FZR1: variants seen among roughly 807,000 people sequenced by gnomAD.
The protein encoded by FZR1 is fizzy-related protein homolog.
FZR1 carries 11 observed loss-of-function variants against 63.6 expected under a neutral mutation model. That is an observed-to-expected ratio of 0.17 (90% CI 0.11 to 0.29). The LOEUF (loss-of-function observed/expected upper bound fraction) is 0.29, where lower values mean the gene tolerates loss of function less well. FZR1 is among the 10% of genes least tolerant of loss of function. The pLI is 1.00. For synonymous variants in FZR1, 328 were observed against 297.9 expected, an observed-to-expected ratio of 1.10 and a Z score of -1.04; for missense variants, 440 against 687.5, an observed-to-expected ratio of 0.64 and a Z score of 4.03.
At position 3,533,305 on chromosome 19, in the gene FZR1, C is replaced by T. The variant is rs773476848; in HGVS notation, c.1254C>T (p.His418=). ...CCTCCGCCCTCCAGGTGAGCACGCA[C>T]GGCTACTCACAGAACCAGATCCTTG... ...SKHANELVST[H]GYSQNQILVW... is the part of the protein sequence containing the mutation. Residue 418 remains histidine, a synonymous_variant, in exon 12 of 14, where the codon CAC becomes CAT. Transcript: ENST00000441788. The surrounding 1 kb of genome is among the most constrained non-coding windows in gnomAD (Gnocchi z 4.9). 1.4e-5 allele frequency: 23 copies of T among 1,608,248 alleles called. 1 individual carries two copies. The highest frequency in any genetic ancestry group is 4.5e-5 in the East Asian group (2 of 44,880).
intron 1 of FZR1, among the ~76,000 whole-genome samples, chr19:3,522,245 C>G (rs1042746793): frequency 6.6e-6 from 1 of 152,240 alleles, no homozygotes; most frequent in South Asian, 2.1e-4. Flanking sequence ...GTACAAACCC[C>G]CTTCCTGCCT....
rs896619039 is a variant in FZR1 at position 3,532,169 on chromosome 19, C to G, written c.1008+74C>G. 22 of 1,384,494 alleles carry G rather than the reference C, an allele frequency of 1.6e-5. No homozygotes were observed. The Admixed American group carries it at 5.3e-4, about 34-fold the overall frequency. The allele number at this position is 1,384,494 out of a possible 1,614,324, so 85.8% of individuals were successfully genotyped here. On this transcript the variant is annotated intron_variant, in intron 10 of 13. Coordinates refer to ENST00000441788, the MANE Select transcript of FZR1 (RefSeq NM_016263.4). ...CTCACACTGGCAGGAACGGAAGAGC[C>G]TGGGCTGGGGCGGGCGCGGGCGCGG...
intron 12 of FZR1, 57 bp from the exon 13 acceptor site, chr19:3,534,363 CA>C: frequency 1.0e-6 from 1 of 953,808 alleles, no homozygotes; most frequent in East Asian, 2.6e-5. Flanking sequence ...AGTCCCCCAG[CA>C]CTGTCCCGAG....
At chr19:3,512,911 C>G (rs1280970700) in intron 1 of FZR1, among the ~76,000 whole-genome samples, 1 of 152,188 alleles carries the variant, frequency 6.6e-6, no homozygotes, top group Non-Finnish European at 1.5e-5. Context: ...ACTCCCAGAT[C>G]CAGTGAGAGC....
chr19:3,513,374 C>T (rs941955634), intron 1 of FZR1, among the ~76,000 whole-genome samples: 1 of 152,236 alleles, frequency 6.6e-6, no homozygotes, highest in African/African-American at 2.4e-5. Flanking sequence ...GTGGGCAGGG[C>T]TGGGCCGAGT....
Position 3,516,954 on chromosome 19 carries a change from C to G in FZR1, c.-34-6002C>G, listed in dbSNP as rs1047247241. 1.3e-4 allele frequency among the ~76,000 whole-genome samples: 20 copies of G among 152,260 alleles called. No homozygotes were observed. The highest frequency in any genetic ancestry group is 1.5e-5 in the Non-Finnish European group (1 of 68,038). On this transcript the variant is annotated intron_variant, in intron 1 of 13. Coordinates refer to ENST00000441788, the MANE Select transcript of FZR1 (RefSeq NM_016263.4). The surrounding 1 kb of genome is among the most constrained non-coding windows in gnomAD (Gnocchi z 6.0). The stretch of plus-strand genomic sequence containing the variant: ...GCGCCCGGTGTATTTGCTTTCAGTG[C>G]TGACTTCAGGGCAGCATCAGTGTTC...
chr19:3,526,997 G>A lies in FZR1; in HGVS notation c.405G>A (p.Lys135=). ...CTCCACAGTATTCCCTTAGCACCAA[G>A]CGCTCCAGCCCCGATGACGGCAACG... The part of the protein sequence containing the change: ...KGLFTYSLST[K]RSSPDDGNDV... The change falls in exon 6 of 14, where the codon AAG becomes AAA. Residue 135 remains lysine (K), a synonymous_variant. Transcript: ENST00000441788. This position sits in a 1 kb window ranked among gnomAD's most constrained non-coding sequence, Gnocchi z 5.4. 1 of 1,612,158 alleles carries A rather than the reference G, an allele frequency of 6.2e-7. No homozygotes were observed. The highest frequency in any genetic ancestry group is 1.7e-4 in the Middle Eastern group (1 of 6,058).
intron 1 of FZR1, among the ~76,000 whole-genome samples, chr19:3,509,830 G>C (rs145818533): frequency 6.6e-6 from 1 of 152,298 alleles, no homozygotes; most frequent in Non-Finnish European, 1.5e-5. Context: ...TGGAGGCACC[G>C]GGTTTTGTGC....
At chr19:3,512,634 G>T (rs1045121664) in intron 1 of FZR1, among the ~76,000 whole-genome samples, 1 of 152,202 alleles carries the variant, frequency 6.6e-6, no homozygotes, top group African/African-American at 2.4e-5. Context: ...CCCTGGAGCT[G>T]CAGGGCTGAG....
intron 12 of FZR1, 132 bp from the exon 13 acceptor site, chr19:3,534,289 C>A (rs1462068078): frequency 3.6e-6 from 2 of 561,206 alleles, no homozygotes; most frequent in Non-Finnish European, 6.4e-6. Flanking sequence ...CCCAGCCTGC[C>A]CCTCCCTCCT....
chr19:3,530,416 G>T (rs1008695642), intron 7 of FZR1, among the ~76,000 whole-genome samples: 7 of 80,482 alleles, frequency 8.7e-5, no homozygotes, highest in African/African-American at 2.3e-4. Context: ...GAGCGCATGG[G>T]AGAGCGCATG....
chr19:3,509,795 C>T (rs1028647238), intron 1 of FZR1, among the ~76,000 whole-genome samples: 4 of 152,196 alleles, frequency 2.6e-5, no homozygotes, highest in East Asian at 3.9e-4. Context: ...TGCTCTTTGT[C>T]GTGGCTGAGT....
intron 1 of FZR1, among the ~76,000 whole-genome samples, chr19:3,507,880 G>C (rs941423829): frequency 6.6e-6 from 1 of 152,270 alleles, no homozygotes; most frequent in Non-Finnish European, 1.5e-5. Flanking sequence ...GGAATCCCAA[G>C]TGGAGGCAGG....
At position 3,537,430 on chromosome 19, in the gene FZR1, A is replaced by AG. The variant is rs2122050681; in HGVS notation, c.*2594_*2595insG. 6.6e-6 allele frequency: 1 copy of AG among 152,512 alleles called. No individual in the cohort carries two copies. Among genetic ancestry groups the AG allele is most frequent in the South Asian group, 2.1e-4 (1 of 4,840 alleles). 9.4% of individuals were successfully genotyped at this position (152,512 alleles called of 1,614,324 possible). On this transcript the variant is annotated 3_prime_UTR_variant, in exon 14 of 14. Transcript: ENST00000441788. ...CAAGGGCCCCGCAGGGCGGGCTGCAACTTTTCTGTTGATCCTGGAATGTAG... is the reference window on the plus strand; with the variant it reads ...CAAGGGCCCCGCAGGGCGGGCTGCAAGCTTTTCTGTTGATCCTGGAATGTAG...
At position 3,523,048 on chromosome 19, in the gene FZR1, C is replaced by A; in HGVS notation, c.59C>A (p.Thr20Lys). The change falls in exon 2 of 14, where the codon ACG (threonine) becomes AAG (lysine). Residue 20 changes from threonine to lysine, a missense_variant. Coordinates refer to ENST00000441788, the MANE Select transcript of FZR1 (RefSeq NM_016263.4). ...LRQIVIQNEN[T>K]MPRVTEMRRT... ...CAGATCGTCATCCAGAATGAGAACA[C>A]GATGCCACGCGTGAGTGCCCCCGCC... 6.2e-7 allele frequency: 1 copy of A among 1,601,824 alleles called. No homozygotes were observed. The highest frequency in any genetic ancestry group is 8.5e-7 in the Non-Finnish European group (1 of 1,169,950).
chr19:3,528,320 G>T (rs2083182970), intron 7 of FZR1, among the ~76,000 whole-genome samples: 1 of 152,240 alleles, frequency 6.6e-6, no homozygotes, highest in East Asian at 1.9e-4. Flanking sequence ...GGGGTTTCAG[G>T]GATAACGCCA....
In FZR1 at chr19:3,526,591, G is replaced by A. The variant is rs2083160536; in HGVS notation, c.387+205G>A. ...GGTCTAGCAGGTAAACTGGGATGTG[G>A]GGGTGCGGGAGGAATCCAGGCTCAG... On this transcript the variant is annotated intron_variant, in intron 5 of 13. Transcript: ENST00000441788. This position sits in a 1 kb window ranked among gnomAD's most constrained non-coding sequence, Gnocchi z 5.4. Among the ~76,000 whole-genome samples the A allele has an allele frequency of 6.6e-6, 1 of 152,238 alleles. No individual in the cohort carries two copies. Among genetic ancestry groups the A allele is most frequent in the Non-Finnish European group, 1.5e-5 (1 of 68,040 alleles).
chr19:3,535,201 TTCCTGG>T lies in FZR1; in HGVS notation c.*366_*371del. 5.9e-6 allele frequency: 2 copies of T among 338,474 alleles called. No individual in the cohort carries two copies. The highest frequency in any genetic ancestry group is 7.7e-5 in the East Asian group (1 of 12,990). The allele number at this position is 338,474 out of a possible 1,614,324, so 21.0% of individuals were successfully genotyped here. A position where few individuals can be genotyped will look rare whatever the true frequency, so the allele number is the denominator to read the frequency against. Reference sequence around the variant, plus strand: ...ACCTGCCCACCGGAGCCGCATGCTCTTCCTGGAACTGCCCACGTCTGCACAGAACAG... The same window carrying T: ...ACCTGCCCACCGGAGCCGCATGCTCTAACTGCCCACGTCTGCACAGAACAG... On this transcript the variant is annotated 3_prime_UTR_variant, in exon 14 of 14. Transcript: ENST00000441788.
chr19:3,537,620 AGGCCGGGG>A lies in FZR1; in HGVS notation c.*2794_*2801del, dbSNP rs954772481. ...CTGGGAAGTGGCTGAGGGAGCCAGG[AGGCCGGGG>A]GGCCGGGGGCTGCAGGGGAGGCTGT... On this transcript the variant is annotated 3_prime_UTR_variant, in exon 14 of 14. Coordinates refer to ENST00000441788, the MANE Select transcript of FZR1 (RefSeq NM_016263.4). 6.5e-6 allele frequency: 1 copy of A among 152,862 alleles called. No homozygotes were observed. Among genetic ancestry groups the A allele is most frequent in the Admixed American group, 6.5e-5 (1 of 15,294 alleles). 9.5% of individuals were successfully genotyped at this position (152,862 alleles called of 1,614,324 possible).
Sources: gnomAD v4.1 joint callset for allele counts (sites outside exome capture counted in the v4.1 genomes callset) on GRCh38, gnomAD v4.1.1 for gene constraint, Gnocchi (gnomAD v3.1) non-coding constraint, MANE v1.5 for transcripts, NCBI Gene and HGNC (gene_info 2026-07-23, HGNC 2026-07-21) for gene names.